The following SECISBP2L variants were observed in gnomAD, a reference collection of about 807,000 sequenced individuals.
The protein encoded by SECISBP2L is SECIS binding protein 2 like.
Under a neutral mutation model 114.7 loss-of-function variants are expected in SECISBP2L, and 43 were observed. That is an observed-to-expected ratio of 0.38 (90% confidence interval 0.29 to 0.48). The LOEUF is 0.48. Ranked by LOEUF, SECISBP2L falls within the 20% of genes least tolerant of loss-of-function variation. SECISBP2L has a pLI of 0.98. For synonymous variants in SECISBP2L, 451 were observed against 439.7 expected (o/e 1.03, Z -0.32); for missense variants, 1,136 against 1,301.1 (o/e 0.87, Z 1.95).
intron 7 of SECISBP2L, among the ~76,000 whole-genome samples, chr15:49,021,420 A>G (rs898897112): frequency 2.6e-5 from 4 of 152,242 alleles, no homozygotes; most frequent in African/African-American, 4.8e-5. Flanking sequence ...AGACATTTCA[A>G]GTTACCTCTC....
chr15:49,018,478 G>A (rs957266984), intron 8 of SECISBP2L, among the ~76,000 whole-genome samples: 9 of 151,856 alleles, frequency 5.9e-5, no homozygotes, highest in African/African-American at 1.7e-4. Flanking sequence ...GGCTGGTCTC[G>A]AACTCCTGAC....
At chr15:49,040,439 G>T (rs980800608) in intron 1 of SECISBP2L, among the ~76,000 whole-genome samples, 2 of 150,376 alleles carry the variant, frequency 1.3e-5, no homozygotes, top group African/African-American at 4.9e-5. Context: ...GCTGTTTATT[G>T]TGACTTTGGG....
At chr15:49,006,786 C>T (rs1902332310) in intron 14 of SECISBP2L, among the ~76,000 whole-genome samples, 1 of 152,094 alleles carries the variant, frequency 6.6e-6, no homozygotes, top group Admixed American at 6.5e-5. Flanking sequence ...CTTCTGAAGC[C>T]TACTTCCGTC....
intron 1 of SECISBP2L, 130 bp from the exon 2 acceptor site, chr15:49,037,899 C>A: frequency 6.8e-6 from 4 of 590,038 alleles, no homozygotes; most frequent in South Asian, 1.0e-4. Context: ...CATAAAACAT[C>A]CAAAAGGAAG....
rs781283252 is a variant in SECISBP2L at position 49,035,646 on chromosome 15, T to A, written c.216A>T (p.Leu72Phe). The A allele has an allele frequency of 6.2e-7, 1 of 1,603,122 alleles. No homozygotes were observed. ...QENQSNRQFP[L>F]YNNDIRWQQP... The stretch of plus-strand genomic sequence containing the variant: ...GTTGCCATCGTATATCATTGTTATA[T>A]AAAGGAAACTGTCTGCAAAACCAAA... The change falls in exon 3 of 18, where the codon TTA (leucine) becomes TTT (phenylalanine). Residue 72 changes from leucine (L) to phenylalanine (F), a missense_variant. Transcript: ENST00000559471.
intron 7 of SECISBP2L, among the ~76,000 whole-genome samples, chr15:49,024,558 A>G (rs942717913): frequency 3.9e-5 from 6 of 152,040 alleles, no homozygotes; most frequent in Admixed American, 6.6e-5. Context: ...CAAACCAGGG[A>G]AAGAATGTTA....
At chr15:48,999,038 G>A (rs1024315260) in intron 16 of SECISBP2L, among the ~76,000 whole-genome samples, 1 of 152,192 alleles carries the variant, frequency 6.6e-6, no homozygotes, top group African/African-American at 2.4e-5. Context: ...TATGCTAAAC[G>A]TGACAAAAGC....
intron 15 of SECISBP2L, 133 bp from the exon 16 acceptor site, chr15:49,000,120 A>G (rs1467314903): frequency 1.0e-5 from 8 of 781,606 alleles, no homozygotes; most frequent in African/African-American, 3.5e-5. Flanking sequence ...GCTGTTACAC[A>G]TTATCCTATT....
intron 17 of SECISBP2L, among the ~76,000 whole-genome samples, chr15:48,995,296 G>C (rs990861008): frequency 6.6e-6 from 1 of 152,022 alleles, no homozygotes; most frequent in African/African-American, 2.4e-5. Flanking sequence ...TTTTCAACTA[G>C]TATCACTCCT....
At chr15:49,008,252 A>C (rs1293555206) in intron 14 of SECISBP2L, among the ~76,000 whole-genome samples, 1 of 152,134 alleles carries the variant, frequency 6.6e-6, no homozygotes, top group Non-Finnish European at 1.5e-5. Flanking sequence ...TTTGCAGGGG[A>C]ATTTTTTGTA....
intron 13 of SECISBP2L, among the ~76,000 whole-genome samples, chr15:49,010,453 T>C (rs761672886): frequency 2.0e-5 from 3 of 152,146 alleles, no homozygotes; most frequent in Admixed American, 6.6e-5. Flanking sequence ...AATTAGTTTG[T>C]ATTTGTATAT....
At chr15:49,000,854 C>G in intron 15 of SECISBP2L, 23 bp downstream of exon 15, 1 of 1,595,056 alleles carries the variant, frequency 6.3e-7, no homozygotes, top group Non-Finnish European at 8.6e-7. Context: ...TATCAAAACA[C>G]TTCAAAAGCA....
chr15:49,043,823 G>C (rs1903189282), intron 1 of SECISBP2L, among the ~76,000 whole-genome samples: 1 of 151,538 alleles, frequency 6.6e-6, no homozygotes, highest in Non-Finnish European at 1.5e-5. Flanking sequence ...TATCCATCTA[G>C]CACTGTATTC....
intron 1 of SECISBP2L, among the ~76,000 whole-genome samples, chr15:49,039,172 T>C (rs1016714124): frequency 2.6e-5 from 4 of 152,242 alleles, no homozygotes; most frequent in African/African-American, 9.6e-5. Flanking sequence ...ATTTGTACTA[T>C]TAACCAAATC....
Position 48,992,604 on chromosome 15 carries a change from AGTGCTGGTG to A in SECISBP2L, c.2937_2945del (p.Thr980_Thr982del), listed in dbSNP as rs748932940. 4 of 1,614,092 alleles carry A rather than the reference AGTGCTGGTG, an allele frequency of 2.5e-6. No individual in the cohort carries two copies. Among genetic ancestry groups the A allele is most frequent in the East Asian group, 2.2e-5 (1 of 44,884 alleles). Reference sequence around the variant, plus strand: ...CTTCTTCAAGCATGCCAGGTACAAGAGTGCTGGTGGTGCTGGTGATGGAGGAATTCAAAA... The same window carrying A: ...CTTCTTCAAGCATGCCAGGTACAAGAGTGCTGGTGATGGAGGAATTCAAAA... On this transcript the variant is annotated inframe_deletion, in exon 18 of 18. Coordinates refer to ENST00000559471, the MANE Select transcript of SECISBP2L (RefSeq NM_001193489.2).
intron 17 of SECISBP2L, among the ~76,000 whole-genome samples, chr15:48,995,732 A>G (rs1441311066): frequency 6.6e-6 from 1 of 152,220 alleles, no homozygotes; most frequent in Non-Finnish European, 1.5e-5. Context: ...GTAGACTTCA[A>G]TAAATAAATG....
chr15:48,992,165 C>A lies in SECISBP2L; in HGVS notation c.*79G>T, dbSNP rs1485986900. 7.3e-7 allele frequency: 1 copy of A among 1,369,612 alleles called. No homozygotes were observed. The highest frequency in any genetic ancestry group is 1.0e-6 in the Non-Finnish European group (1 of 999,104). The allele number at this position is 1,369,612 out of a possible 1,614,324, so 84.8% of individuals were successfully genotyped here. ...TACGTATATTAAATACTGGACAGTGCAAAATGTTGAGATGAAGCATAAAAG... is the reference window on the plus strand; with the variant it reads ...TACGTATATTAAATACTGGACAGTGAAAAATGTTGAGATGAAGCATAAAAG... On this transcript the variant is annotated 3_prime_UTR_variant, in exon 18 of 18. Transcript: ENST00000559471.
chr15:49,016,762 G>A (rs1902544953), intron 10 of SECISBP2L, 61 bp from the exon 11 acceptor site: 1 of 1,525,900 alleles, frequency 6.6e-7, no homozygotes, highest in Non-Finnish European at 8.8e-7. Context: ...GGCATTTTAA[G>A]ATGACTACAT....
intron 11 of SECISBP2L, among the ~76,000 whole-genome samples, chr15:49,014,458 T>C (rs1051809014): frequency 1.3e-5 from 2 of 152,194 alleles, no homozygotes; most frequent in Admixed American, 1.3e-4. Context: ...CATAACTATA[T>C]GCTAAATAGG....
Sources: allele counts gnomAD v4.1 joint callset (sites outside exome capture counted in the v4.1 genomes callset), GRCh38; gene constraint gnomAD v4.1.1; transcripts MANE v1.5; gene names NCBI Gene and HGNC (gene_info 2026-07-23, HGNC 2026-07-21).